Variants in SMCHD1 observed in about 807,000 individuals in gnomAD.
SMCHD1 encodes structural maintenance of chromosomes flexible hinge domain-containing protein 1.
Under a neutral mutation model 254.7 loss-of-function variants are expected in SMCHD1, and 78 were observed. The observed-to-expected ratio is 0.31, with a 90% CI of 0.26 to 0.37. The LOEUF (loss-of-function observed/expected upper bound fraction) is 0.37, where lower values mean the gene tolerates loss of function less well. SMCHD1 is among the 10% of genes least tolerant of loss of function. SMCHD1 has a pLI of 1.00. For synonymous variants in SMCHD1, 766 were observed against 794.9 expected (o/e 0.96, Z 0.61); for missense variants, 1,840 against 2,408.1 (o/e 0.76, Z 4.94).
At chr18:2,747,379 C>CA (rs2075475297) in intron 29 of SMCHD1, 143 bp from the exon 30 acceptor site, 1 of 681,314 alleles carries the variant, frequency 1.5e-6, no homozygotes, top group Non-Finnish European at 2.2e-6. Flanking sequence ...AGTTGGCTTT[C>CA]AAAAGTTCAT....
intron 17 of SMCHD1, among the ~76,000 whole-genome samples, chr18:2,710,135 C>T (rs534285016): frequency 2.0e-5 from 3 of 152,302 alleles, no homozygotes; most frequent in African/African-American, 4.8e-5. Flanking sequence ...GTTTTTCCAG[C>T]ACCATTTGTC....
chr18:2,718,219 C>T lies in SMCHD1; in HGVS notation c.2322C>T (p.Tyr774=). 1 of 1,612,728 alleles carries T rather than the reference C, an allele frequency of 6.2e-7. No individual in the cohort carries two copies. Among genetic ancestry groups the T allele is most frequent in the South Asian group, 1.1e-5 (1 of 90,962 alleles). The change falls in exon 18 of 48, where the codon TAC becomes TAT. Residue 774 remains tyrosine, a synonymous_variant. Coordinates refer to ENST00000320876, the MANE Select transcript of SMCHD1 (RefSeq NM_015295.3). This position sits in a 1 kb window ranked among gnomAD's most constrained non-coding sequence, Gnocchi z 4.6. The stretch of plus-strand genomic sequence containing the variant: ...GTCAACATGGAGGAAAATGGCCTTA[C>T]TGGTTTAAAAAAATGGGTGAGTTCT... ...HISQHGGKWP[Y]WFKKMENIQK...
intron 35 of SMCHD1, 79 bp from the exon 36 acceptor site, chr18:2,762,026 C>G: frequency 9.0e-7 from 1 of 1,114,646 alleles, no homozygotes; most frequent in Non-Finnish European, 1.3e-6. Context: ...TAGTATGTGC[C>G]ATTGTTATGT....
chr18:2,740,777 G>T lies in SMCHD1; in HGVS notation c.3589G>T (p.Ala1197Ser). Residue 1197 changes from alanine (A) to serine (S), a missense_variant, in exon 28 of 48, where the codon GCT becomes TCT. Physicochemically the swap from Ala to Ser is moderately conservative, Grantham distance 99. Coordinates refer to ENST00000320876, the MANE Select transcript of SMCHD1 (RefSeq NM_015295.3). The part of the protein sequence containing the change: ...SPSSLSSLSI[A>S]GVGLDSSNLK... ...AAGTTCTTTATCTTCTTTGTCAATT[G>T]CTGGGGTTGGACTTGATAGCTCAAA... The T allele has an allele frequency of 6.2e-7, 1 of 1,611,434 alleles. No homozygotes were observed. Among genetic ancestry groups the T allele is most frequent in the Non-Finnish European group, 8.5e-7 (1 of 1,178,496 alleles).
At chr18:2,784,352 C>T (rs1054313089) in intron 44 of SMCHD1, 98 bp from the exon 45 acceptor site, 3 of 1,039,068 alleles carry the variant, frequency 2.9e-6, no homozygotes, top group Non-Finnish European at 4.1e-6. Flanking sequence ...CTACTGTGAT[C>T]CTGTCATTTC....
At chr18:2,736,664 A>G (rs531741596) in intron 25 of SMCHD1, among the ~76,000 whole-genome samples, 1 of 152,300 alleles carries the variant, frequency 6.6e-6, no homozygotes, top group South Asian at 2.1e-4. Context: ...CATCATAATC[A>G]TAATCATGGA....
Position 2,666,909 on chromosome 18 carries a change from A to T in SMCHD1, c.302A>T (p.Gln101Leu), listed in dbSNP as rs1326749819. 1.2e-6 allele frequency: 2 copies of T among 1,613,508 alleles called. No individual in the cohort carries two copies. The highest frequency in any genetic ancestry group is 8.5e-7 in the Non-Finnish European group (1 of 1,179,626). Residue 101 changes from glutamine (Q) to leucine (L), a missense_variant, in exon 3 of 48, where the codon CAG becomes CTG. Transcript: ENST00000320876. Reference protein sequence around the residue: ...VKDGVTLYLLQSVNQLLLTAT... With the variant: ...VKDGVTLYLLLSVNQLLLTAT... ...GATGGAGTCACCTTATACCTGCTAC[A>T]GTCGGTCAATCAGTTACTACTGACA...
At position 2,703,934 on chromosome 18, in the gene SMCHD1, T is replaced by G. The variant is rs376244641; in HGVS notation, c.1842+48T>G. On this transcript the variant is annotated intron_variant, in intron 13 of 47. Coordinates refer to ENST00000320876, the MANE Select transcript of SMCHD1 (RefSeq NM_015295.3). ...TTTTTCTTATAATTTTTAATTTAATTTAAAACACATATGCAGAATCACATG... is the reference window on the plus strand; with the variant it reads ...TTTTTCTTATAATTTTTAATTTAATGTAAAACACATATGCAGAATCACATG... The G allele has an allele frequency of 1.9e-5, 27 of 1,386,432 alleles. 1 individual carries two copies. In the African/African-American group the frequency reaches 2.1e-4, roughly 11 times the overall value. The allele number at this position is 1,386,432 out of a possible 1,614,324, so 85.9% of individuals were successfully genotyped here.
intron 8 of SMCHD1, among the ~76,000 whole-genome samples, chr18:2,695,332 G>A (rs186415229): frequency 3.6e-3 from 528 of 147,698 alleles, no homozygotes; most frequent in African/African-American, 0.012. Context: ...TTTTTGAGAC[G>A]GAGTTTCACT....
At chr18:2,727,359 C>CA (rs2075046055) in intron 22 of SMCHD1, among the ~76,000 whole-genome samples, 1 of 152,078 alleles carries the variant, frequency 6.6e-6, no homozygotes, top group Admixed American at 6.5e-5. Context: ...TTTGCTTTCA[C>CA]AAATTGAAGT....
intron 1 of SMCHD1, among the ~76,000 whole-genome samples, chr18:2,664,294 TA>T (rs2073376116): frequency 1.3e-5 from 2 of 152,194 alleles, no homozygotes; most frequent in Admixed American, 6.5e-5. Context: ...TCTGAATGTT[TA>T]AAAGTATCTT....
chr18:2,660,491 T>G (rs1429195568), intron 1 of SMCHD1, among the ~76,000 whole-genome samples: 1 of 139,952 alleles, frequency 7.1e-6, no homozygotes, highest in Non-Finnish European at 1.6e-5. Context: ...TTTTTTTTTT[T>G]GATGGGAGTT....
At chr18:2,719,479 A>C (rs952898165) in intron 19 of SMCHD1, among the ~76,000 whole-genome samples, 1 of 151,606 alleles carries the variant, frequency 6.6e-6, no homozygotes, top group African/African-American at 2.4e-5. Context: ...TTGTATTTTT[A>C]GTAGAGATGG....
chr18:2,672,822 A>G (rs922344158), intron 3 of SMCHD1, among the ~76,000 whole-genome samples: 4 of 152,212 alleles, frequency 2.6e-5, no homozygotes, highest in South Asian at 4.1e-4. Context: ...TTAGCTTTCA[A>G]GAGACACTTA....
At chr18:2,664,786 T>A (rs1050406492) in intron 1 of SMCHD1, among the ~76,000 whole-genome samples, 4 of 152,202 alleles carry the variant, frequency 2.6e-5, no homozygotes, top group Admixed American at 6.5e-5. Flanking sequence ...CCATTCCTCC[T>A]GTGTTTATTA....
At position 2,718,536 on chromosome 18, in the gene SMCHD1, T is replaced by A; in HGVS notation, c.2458+102T>A. 1 of 981,588 alleles carries A rather than the reference T, an allele frequency of 1.0e-6. No individual in the cohort carries two copies. Among genetic ancestry groups the A allele is most frequent in the Non-Finnish European group, 1.5e-6 (1 of 688,632 alleles). The allele number at this position is 981,588 out of a possible 1,614,324, so 60.8% of individuals were successfully genotyped here. ...ATTAAAAGATGTTTGAACAATTGGG[T>A]AACCATCTCGATTTTATTTTATTTT... On this transcript the variant is annotated intron_variant, in intron 19 of 47. Transcript: ENST00000320876. The surrounding 1 kb of genome is among the most constrained non-coding windows in gnomAD (Gnocchi z 4.6).
intron 8 of SMCHD1, among the ~76,000 whole-genome samples, chr18:2,694,977 A>C (rs369756173): frequency 1.3e-5 from 2 of 152,206 alleles, no homozygotes; most frequent in Non-Finnish European, 2.9e-5. Context: ...CAGATTGAGC[A>C]CTATATCACT....
intron 47 of SMCHD1, among the ~76,000 whole-genome samples, chr18:2,801,666 TTA>T (rs1463981873): frequency 2.0e-5 from 3 of 152,186 alleles, no homozygotes; most frequent in African/African-American, 7.2e-5. Flanking sequence ...ATATTTATGT[TTA>T]TGTTTTTATT....
chr18:2,720,658 C>A (rs970579770), intron 19 of SMCHD1, among the ~76,000 whole-genome samples: 2 of 152,178 alleles, frequency 1.3e-5, no homozygotes, highest in Non-Finnish European at 2.9e-5. Flanking sequence ...TTTTGGGAAC[C>A]AAGCTGAGAA....
Sources: gnomAD v4.1 joint callset for allele counts (sites outside exome capture counted in the v4.1 genomes callset) on GRCh38, gnomAD v4.1.1 for gene constraint, Gnocchi (gnomAD v3.1) non-coding constraint, MANE v1.5 for transcripts, NCBI Gene and HGNC (gene_info 2026-07-23, HGNC 2026-07-21) for gene names.